GPAT3: variants seen among roughly 807,000 people sequenced by gnomAD.
The protein encoded by GPAT3 is 1-AGP acyltransferase 9.
In GPAT3, 53 loss-of-function variants were observed where a neutral mutation model predicts 58.8. That is an observed-to-expected ratio of 0.90 (90% CI 0.72 to 1.13). The LOEUF (loss-of-function observed/expected upper bound fraction) is 1.13. Among genes scored for constraint, GPAT3 ranks in the 50% most tolerant of loss-of-function variants. The pLI, the probability that GPAT3 is intolerant of heterozygous loss-of-function variation, is 0.00. For synonymous variants in GPAT3, 197 were observed against 187.4 expected (o/e 1.05, Z -0.42); for missense variants, 511 against 527.6 (o/e 0.97, Z 0.31).
At chr4:83,549,163 T>G (rs1373226074) in intron 2 of GPAT3, among the ~76,000 whole-genome samples, 2 of 110,642 alleles carry the variant, frequency 1.8e-5, no homozygotes, top group Admixed American at 8.9e-5. Flanking sequence ...GTGAGACCCA[T>G]CTGAAAAAAA....
chr4:83,579,130 T>C (rs377167649), intron 2 of GPAT3, among the ~76,000 whole-genome samples: 2,189 of 76,892 alleles, frequency 0.028, 201 homozygotes, highest in Non-Finnish European at 0.032. Context: ...TTCCTTCCTT[T>C]CTTTCTCCCT....
Position 83,594,843 on chromosome 4 carries a change from A to G in GPAT3, c.739-2A>G. Reference sequence around the variant, plus strand: ...TTTTTCCTTTTCTTATGCTACTTCTAGGTTGGCCAGGTTCATGGCGGCTTG... The same window carrying G: ...TTTTTCCTTTTCTTATGCTACTTCTGGGTTGGCCAGGTTCATGGCGGCTTG... On this transcript the variant is annotated splice_acceptor_variant, in intron 6 of 11. Coordinates refer to ENST00000264409, the MANE Select transcript of GPAT3 (RefSeq NM_032717.5). LOFTEE classifies it high-confidence loss of function. 1 of 1,613,242 alleles carries G rather than the reference A, an allele frequency of 6.2e-7. No homozygotes were observed. Among genetic ancestry groups the G allele is most frequent in the South Asian group, 1.1e-5 (1 of 91,012 alleles).
chr4:83,599,742 T>G (rs1726985677), intron 11 of GPAT3, among the ~76,000 whole-genome samples: 1 of 152,212 alleles, frequency 6.6e-6, no homozygotes, highest in Admixed American at 6.5e-5. Flanking sequence ...TATAGGTGAA[T>G]GTATTAGTCT....
rs1012213564 is a variant in GPAT3, at chr4:83,542,102, G to A, written c.142-2434G>A. Among the ~76,000 whole-genome samples, 31 of 152,152 alleles carry A rather than the reference G, an allele frequency of 2.0e-4. 1 individual carries two copies. Among genetic ancestry groups the A allele is most frequent in the Admixed American group, 2.0e-3 (30 of 15,272 alleles). On this transcript the variant is annotated intron_variant, in intron 1 of 11. Coordinates refer to ENST00000264409, the MANE Select transcript of GPAT3 (RefSeq NM_032717.5). ...ACATAATTCAGCCCATAACAGGCACGGAATACCAGCATTTTCCATCATATG... is the reference window on the plus strand; with the variant it reads ...ACATAATTCAGCCCATAACAGGCACAGAATACCAGCATTTTCCATCATATG...
chr4:83,581,228 T>C (rs1726111984), intron 2 of GPAT3, among the ~76,000 whole-genome samples: 1 of 151,892 alleles, frequency 6.6e-6, no homozygotes, highest in African/African-American at 2.4e-5. Context: ...CAATCTAGAG[T>C]TATACTTGGG....
intron 2 of GPAT3, among the ~76,000 whole-genome samples, chr4:83,574,868 T>G (rs1279354802): frequency 1.0e-4 from 10 of 96,098 alleles, no homozygotes; most frequent in Non-Finnish European, 2.0e-4. Flanking sequence ...CATTTCTTTC[T>G]TTTTTTTTTT....
intron 2 of GPAT3, among the ~76,000 whole-genome samples, chr4:83,551,835 T>C (rs1427964020): frequency 6.6e-6 from 1 of 150,384 alleles, no homozygotes; most frequent in Non-Finnish European, 1.5e-5. Context: ...TATCTATCTA[T>C]CTATCTATCT....
chr4:83,594,828 T>C lies in GPAT3; in HGVS notation c.739-17T>C. 1 of 1,608,800 alleles carries C rather than the reference T, an allele frequency of 6.2e-7. No individual in the cohort carries two copies. Among genetic ancestry groups the C allele is most frequent in the South Asian group, 1.1e-5 (1 of 90,296 alleles). Reference sequence around the variant, plus strand: ...CGGTGCCTTTTACGTTTTTTCCTTTTCTTATGCTACTTCTAGGTTGGCCAG... The same window carrying C: ...CGGTGCCTTTTACGTTTTTTCCTTTCCTTATGCTACTTCTAGGTTGGCCAG... On this transcript the variant is annotated splice_polypyrimidine_tract_variant and intron_variant, in intron 6 of 11. Coordinates refer to ENST00000264409, the MANE Select transcript of GPAT3 (RefSeq NM_032717.5).
At chr4:83,581,459 T>C (rs1223462345) in intron 2 of GPAT3, 103 bp from the exon 3 acceptor site, 29 of 1,267,468 alleles carry the variant, frequency 2.3e-5, no homozygotes, top group South Asian at 7.3e-5. Context: ...ATTAAACTTA[T>C]TTACTTGTTT....
At chr4:83,562,209 TATTATA>T (rs1725175721) in intron 2 of GPAT3, among the ~76,000 whole-genome samples, 1 of 34,038 alleles carries the variant, frequency 2.9e-5, no homozygotes, top group Non-Finnish European at 5.0e-5. Context: ...AATATATATA[TATTATA>T]TATATATATA....
At chr4:83,580,229 A>T (rs954584465) in intron 2 of GPAT3, among the ~76,000 whole-genome samples, 4 of 152,218 alleles carry the variant, frequency 2.6e-5, no homozygotes, top group Non-Finnish European at 4.4e-5. Context: ...CTTGATGGAA[A>T]ATACAGTAAC....
rs1578199652 is a variant in GPAT3 at position 83,596,812 on chromosome 4, C to T, written c.855-46C>T. The stretch of plus-strand genomic sequence containing the variant: ...AAGGAATATCAAAAAGGACATCCAC[C>T]TCTCTCTTTATAAAGGCAGAATTTT... On this transcript the variant is annotated intron_variant, in intron 7 of 11. Coordinates refer to ENST00000264409, the MANE Select transcript of GPAT3 (RefSeq NM_032717.5). The T allele has an allele frequency of 1.0e-5, 15 of 1,467,042 alleles. No homozygotes were observed. In the East Asian group the frequency reaches 3.4e-4, roughly 33 times the overall value. The allele number at this position is 1,467,042 out of a possible 1,614,324, so 90.9% of individuals were successfully genotyped here.
At chr4:83,564,661 C>T (rs796239880) in intron 2 of GPAT3, among the ~76,000 whole-genome samples, 8 of 151,586 alleles carry the variant, frequency 5.3e-5, no homozygotes, top group African/African-American at 9.7e-5. Context: ...ATCACACCAC[C>T]GAACTCTAGC....
Position 83,604,786 on chromosome 4 carries a change from T to TTAGATC in GPAT3, c.*24_*29dup, listed in dbSNP as rs753389561. 1 of 1,598,072 alleles carries TTAGATC rather than the reference T, an allele frequency of 6.3e-7. No individual in the cohort carries two copies. The highest frequency in any genetic ancestry group is 1.3e-5 in the African/African-American group (1 of 74,678). On this transcript the variant is annotated 3_prime_UTR_variant, in exon 12 of 12. Coordinates refer to ENST00000264409, the MANE Select transcript of GPAT3 (RefSeq NM_032717.5). ...CAGCTAAGAGGACGGATGACAGCCTTTAGATCTAGAACTAGCCCTTAGAAA... is the reference window on the plus strand; with the variant it reads ...CAGCTAAGAGGACGGATGACAGCCTTTAGATCTAGATCTAGAACTAGCCCTTAGAAA...
At chr4:83,604,004 C>T (rs1267743813) in intron 11 of GPAT3, among the ~76,000 whole-genome samples, 1 of 152,012 alleles carries the variant, frequency 6.6e-6, no homozygotes. Flanking sequence ...ATTTTGTTTT[C>T]CTTAAGGAAT....
Position 83,604,867 on chromosome 4 carries a change from A to G in GPAT3, c.*100A>G. The G allele has an allele frequency of 2.0e-6, 2 of 986,908 alleles. No individual in the cohort carries two copies. The highest frequency in any genetic ancestry group is 3.3e-5 in the South Asian group (2 of 60,442). The allele number at this position is 986,908 out of a possible 1,614,324, so 61.1% of individuals were successfully genotyped here. ...TATTGTTTTGTTTTTATTATTGTTA[A>G]TCTTTTCTACAGAATGATTGTCTCT... is the stretch of plus-strand genomic sequence containing the variant. On this transcript the variant is annotated 3_prime_UTR_variant, in exon 12 of 12. Transcript: ENST00000264409.
chr4:83,587,607 T>C (rs1178451651), intron 4 of GPAT3, among the ~76,000 whole-genome samples: 2 of 152,128 alleles, frequency 1.3e-5, no homozygotes, highest in Non-Finnish European at 2.9e-5. Context: ...TTTGTATTTT[T>C]AGTAGAGACG....
At chr4:83,568,365 A>T (rs1033943057) in intron 2 of GPAT3, among the ~76,000 whole-genome samples, 1 of 152,194 alleles carries the variant, frequency 6.6e-6, no homozygotes, top group Non-Finnish European at 1.5e-5. Flanking sequence ...AAAGGTCATC[A>T]TAGTTGTGAT....
intron 5 of GPAT3, among the ~76,000 whole-genome samples, chr4:83,588,651 TAA>T (rs1726476674): frequency 1.3e-5 from 2 of 152,270 alleles, no homozygotes; most frequent in Admixed American, 1.3e-4. Flanking sequence ...TCACAGTGAA[TAA>T]ACAATGGAAT....
Sources: gnomAD v4.1 joint callset for allele counts (sites outside exome capture counted in the v4.1 genomes callset) on GRCh38, gnomAD v4.1.1 for gene constraint, MANE v1.5 for transcripts, NCBI Gene and HGNC (gene_info 2026-07-23, HGNC 2026-07-21) for gene names.